The following NPAS3 variants were observed in gnomAD, a reference collection of about 807,000 sequenced individuals.
The protein encoded by NPAS3 is neuronal PAS domain protein 3.
NPAS3 carries 14 observed loss-of-function variants against 73.1 expected under a neutral mutation model. The ratio of observed to expected loss-of-function variants is 0.19; its 90% CI spans 0.13 to 0.30. The LOEUF (loss-of-function observed/expected upper bound fraction) is 0.30, where lower values mean the gene tolerates loss of function less well. NPAS3 is among the 10% of genes least tolerant of loss of function. The pLI, the probability that NPAS3 is intolerant of heterozygous loss-of-function variation, is 1.00. For missense variants in NPAS3, 1,096 were observed against 1,250.0 expected (o/e 0.88, Z 1.86); for synonymous variants, 620 against 541.5 (o/e 1.14, Z -2.01).
At chr14:33,547,553 A>C (rs1261045511) in intron 4 of NPAS3, among the ~76,000 whole-genome samples, 3 of 152,202 alleles carry the variant, frequency 2.0e-5, no homozygotes, top group African/African-American at 7.2e-5. Flanking sequence ...TTGGCTGCGA[A>C]GTACGGTCCA....
intron 1 of NPAS3, among the ~76,000 whole-genome samples, chr14:32,977,356 G>GCACGCGCACACACACA (rs71432100): frequency 7.3e-4 from 104 of 141,542 alleles, no homozygotes; most frequent in Admixed American, 3.0e-3. Flanking sequence ...TCTCTGACAC[G>GCACGCGCACACACACA]CACACACACA....
At chr14:33,472,215 A>C (rs2139617492) in intron 4 of NPAS3, among the ~76,000 whole-genome samples, 1 of 152,250 alleles carries the variant, frequency 6.6e-6, no homozygotes, top group South Asian at 2.1e-4. Context: ...GAGGGGGCTG[A>C]GGTTATGTAG....
chr14:33,006,125 T>C (rs1439820255), intron 1 of NPAS3, among the ~76,000 whole-genome samples: 4 of 152,138 alleles, frequency 2.6e-5, no homozygotes, highest in Admixed American at 1.3e-4. Context: ...GCTCTATTGA[T>C]TTTTCCAACT....
At chr14:33,788,366 G>A (rs1287669178) in intron 9 of NPAS3, among the ~76,000 whole-genome samples, 1 of 152,236 alleles carries the variant, frequency 6.6e-6, no homozygotes, top group Non-Finnish European at 1.5e-5. Context: ...CTGTGTGAAT[G>A]TGAAGGGTGG....
intron 3 of NPAS3, among the ~76,000 whole-genome samples, chr14:33,335,534 C>G (rs1208907395): frequency 6.6e-6 from 1 of 152,182 alleles, no homozygotes; most frequent in African/African-American, 2.4e-5. Flanking sequence ...GGCCTTGTCT[C>G]CCTCCAGGGC....
chr14:33,749,485 C>G (rs2061897660), intron 7 of NPAS3, among the ~76,000 whole-genome samples: 1 of 152,090 alleles, frequency 6.6e-6, no homozygotes, highest in Admixed American at 6.6e-5. Flanking sequence ...TTATAATTGT[C>G]AAACTCCTCA....
intron 1 of NPAS3, among the ~76,000 whole-genome samples, chr14:32,975,011 T>G (rs1163149471): frequency 1.3e-5 from 2 of 152,200 alleles, no homozygotes; most frequent in African/African-American, 4.8e-5. Context: ...TAATCAATCA[T>G]GATCTTTAGA....
At chr14:33,197,594 A>G (rs1304309082) in intron 2 of NPAS3, among the ~76,000 whole-genome samples, 2 of 152,236 alleles carry the variant, frequency 1.3e-5, no homozygotes, top group African/African-American at 2.4e-5. Flanking sequence ...TTTAAAAAAT[A>G]AAGGTAAAAG....
chr14:33,197,771 C>T (rs1298302042), intron 2 of NPAS3, among the ~76,000 whole-genome samples: 1 of 152,172 alleles, frequency 6.6e-6, no homozygotes, highest in African/African-American at 2.4e-5. Flanking sequence ...AAGTATCCTG[C>T]CATCTTGAAT....
At chr14:33,372,316 CTGAA>C (rs1290534032) in intron 4 of NPAS3, among the ~76,000 whole-genome samples, 1 of 152,074 alleles carries the variant, frequency 6.6e-6, no homozygotes, top group Non-Finnish European at 1.5e-5. Flanking sequence ...TGCCCGTTCT[CTGAA>C]TGTATATGTA....
chr14:33,215,989 T>A (rs2047209461), intron 3 of NPAS3, among the ~76,000 whole-genome samples: 1 of 152,246 alleles, frequency 6.6e-6, no homozygotes, highest in Admixed American at 6.5e-5. Flanking sequence ...CAGTTACTCT[T>A]ACAACTTAGT....
chr14:33,126,333 C>A (rs2043425450), intron 2 of NPAS3, among the ~76,000 whole-genome samples: 1 of 152,146 alleles, frequency 6.6e-6, no homozygotes, highest in South Asian at 2.1e-4. Context: ...GCTGGACAGG[C>A]TACCACAGAA....
upstream of NPAS3, among the ~76,000 whole-genome samples, chr14:32,938,426 G>T (rs1354441384): frequency 1.4e-5 from 2 of 141,690 alleles, no homozygotes; most frequent in African/African-American, 5.3e-5. Flanking sequence ...TTGTTGCGCC[G>T]GCAGCCGAGC....
intron 1 of NPAS3, among the ~76,000 whole-genome samples, chr14:33,051,838 C>T (rs978127529): frequency 3.3e-5 from 5 of 152,184 alleles, no homozygotes; most frequent in African/African-American, 1.2e-4. Context: ...TGACTCACTG[C>T]AACCTCCACC....
At chr14:33,087,831 G>A (rs919572471) in intron 2 of NPAS3, among the ~76,000 whole-genome samples, 9 of 152,098 alleles carry the variant, frequency 5.9e-5, no homozygotes, top group African/African-American at 1.7e-4. Flanking sequence ...TGGAGTAAGA[G>A]TATATTTTAA....
At chr14:33,493,538 G>C (rs555822994) in intron 4 of NPAS3, among the ~76,000 whole-genome samples, 31 of 152,212 alleles carry the variant, frequency 2.0e-4, no homozygotes, top group Admixed American at 1.1e-3. Flanking sequence ...GTGTACATGA[G>C]GACACATGGA....
intron 1 of NPAS3, among the ~76,000 whole-genome samples, chr14:33,053,800 C>G (rs572151909): frequency 2.6e-5 from 4 of 152,124 alleles, no homozygotes; most frequent in East Asian, 1.9e-4. Flanking sequence ...TCTTTTCCCC[C>G]CTTCCTCTCT....
intron 5 of NPAS3, among the ~76,000 whole-genome samples, chr14:33,586,841 A>G (rs1567031905): frequency 6.6e-6 from 1 of 152,242 alleles, no homozygotes; most frequent in Non-Finnish European, 1.5e-5. Context: ...GTAAACCTGT[A>G]CTTAAGTGGA....
intron 4 of NPAS3, among the ~76,000 whole-genome samples, chr14:33,452,009 A>G (rs769869590): frequency 5.3e-5 from 8 of 152,302 alleles, no homozygotes; most frequent in Admixed American, 3.9e-4. Context: ...ATTAAAATCT[A>G]TGGTTCTTAG....
Sources: allele counts gnomAD v4.1 joint callset (sites outside exome capture counted in the v4.1 genomes callset), GRCh38; gene constraint gnomAD v4.1.1; transcripts MANE v1.5; gene names NCBI Gene and HGNC (gene_info 2026-07-23, HGNC 2026-07-21).